The following RNF144A variants were observed in gnomAD, a reference collection of about 807,000 sequenced individuals.
RNF144A encodes the protein ring finger protein 144A.
RNF144A carries 11 observed loss-of-function variants against 38.7 expected under a neutral mutation model. That is an observed-to-expected ratio of 0.28 (90% CI 0.18 to 0.47). RNF144A has a LOEUF of 0.47. Ranked by LOEUF, RNF144A falls within the 20% of genes least tolerant of loss-of-function variation. RNF144A has a pLI of 0.99. For synonymous variants in RNF144A, 149 were observed against 143.9 expected (o/e 1.04, Z -0.25); for missense variants, 316 against 377.2 (o/e 0.84, Z 1.34).
intron 1 of RNF144A, among the ~76,000 whole-genome samples, chr2:6,921,061 T>G (rs542729143): frequency 1.8e-3 from 279 of 152,372 alleles, no homozygotes; most frequent in Middle Eastern, 0.014. Context: ...GTACAACCAT[T>G]CGTAAGGGTT....
At chr2:6,924,943 G>T (rs939572162) in intron 1 of RNF144A, among the ~76,000 whole-genome samples, 5 of 152,358 alleles carry the variant, frequency 3.3e-5, no homozygotes, top group South Asian at 2.1e-4. Flanking sequence ...TGGGAAGGGT[G>T]TGGGCTTCCA....
In RNF144A at chr2:7,030,205, A is replaced by G; in HGVS notation, c.737A>G (p.His246Arg). The change falls in exon 8 of 9, where the codon CAT becomes CGT. Residue 246 changes from histidine to arginine, a missense_variant. Transcript: ENST00000320892. ...CACTCCCGGGCATCTGTGATCTGGC[A>G]TCGGACACAGGTAGGAGGTGATTTG... ...LGHSRASVIW[H>R]RTQVVGIFAG... 1 of 1,611,718 alleles carries G rather than the reference A, an allele frequency of 6.2e-7. No individual in the cohort carries two copies. The highest frequency in any genetic ancestry group is 8.5e-7 in the Non-Finnish European group (1 of 1,178,462).
In RNF144A at chr2:6,944,759, C is replaced by G. The variant is rs1666226945; in HGVS notation, c.-12+3612C>G. Among the ~76,000 whole-genome samples, 1 of 152,158 alleles carries G rather than the reference C, an allele frequency of 6.6e-6. No homozygotes were observed. The highest frequency in any genetic ancestry group is 2.4e-5 in the African/African-American group (1 of 41,438). On this transcript the variant is annotated intron_variant, in intron 2 of 8. Coordinates refer to ENST00000320892, the MANE Select transcript of RNF144A (RefSeq NM_014746.6). This position sits in a 1 kb window ranked among gnomAD's most constrained non-coding sequence, Gnocchi z 4.7. ...TGTTCTCTCTGTTGGCCACGCCCACCTCCCAGGACGCTGTGTTTGGGAATC... is the reference window on the plus strand; with the variant it reads ...TGTTCTCTCTGTTGGCCACGCCCACGTCCCAGGACGCTGTGTTTGGGAATC...
At chr2:7,054,725 G>A (rs1301208053) in intron 6 of RNF144A, among the ~76,000 whole-genome samples, 1 of 152,184 alleles carries the variant, frequency 6.6e-6, no homozygotes, top group Non-Finnish European at 1.5e-5. Flanking sequence ...CTTGGAGGCA[G>A]AGAGCTGTCC....
intron 5 of RNF144A, among the ~76,000 whole-genome samples, chr2:7,017,169 C>A (rs1373763652): frequency 6.6e-6 from 1 of 152,178 alleles, no homozygotes; most frequent in Non-Finnish European, 1.5e-5. Flanking sequence ...GTGCTAAGGG[C>A]GTTGCTGTGC....
chr2:6,969,591 A>G (rs548070276), intron 2 of RNF144A, among the ~76,000 whole-genome samples: 114 of 152,366 alleles, frequency 7.5e-4, no homozygotes, highest in African/African-American at 2.7e-3. Flanking sequence ...TAATAAAAGT[A>G]CAGGCTGAGC....
At chr2:6,968,619 A>G (rs963610532) in intron 2 of RNF144A, among the ~76,000 whole-genome samples, 2 of 152,246 alleles carry the variant, frequency 1.3e-5, no homozygotes, top group Non-Finnish European at 2.9e-5. Flanking sequence ...TCATCACAAG[A>G]AACAAACACA....
At chr2:7,022,016 A>C (rs1423181167) in intron 6 of RNF144A, among the ~76,000 whole-genome samples, 4 of 152,232 alleles carry the variant, frequency 2.6e-5, no homozygotes, top group South Asian at 4.1e-4. Context: ...TAAAAACTGG[A>C]ATTTCTGGCT....
In RNF144A at chr2:7,064,801, A is replaced by G. The variant is rs184163965; in HGVS notation, c.735-3415A>G. ...ATGAATAAACAGATCTCAGCTTTCT[A>G]TAAATTGTAATTGAGGATGAAAGGA... On this transcript the variant is annotated intron_variant, in intron 6 of 6. Transcript: ENST00000432850. Among the ~76,000 whole-genome samples the G allele has an allele frequency of 1.9e-3, 289 of 152,326 alleles. 1 individual carries two copies. Among genetic ancestry groups the G allele is most frequent in the African/African-American group, 6.6e-3 (274 of 41,580 alleles).
intron 6 of RNF144A, among the ~76,000 whole-genome samples, chr2:7,050,149 T>A (rs1200636287): frequency 6.6e-6 from 1 of 152,172 alleles, no homozygotes; most frequent in African/African-American, 2.4e-5. Context: ...ATGGTTTGGC[T>A]GTGTCCCCAC....
chr2:7,015,960 A>G (rs1671108909), intron 5 of RNF144A, among the ~76,000 whole-genome samples: 1 of 152,110 alleles, frequency 6.6e-6, no homozygotes, highest in Non-Finnish European at 1.5e-5. Context: ...CTCCCAGTTT[A>G]GCTGCATGCA....
At chr2:7,005,701 A>G (rs1311014239) in intron 3 of RNF144A, among the ~76,000 whole-genome samples, 1 of 152,188 alleles carries the variant, frequency 6.6e-6, no homozygotes, top group Non-Finnish European at 1.5e-5. Flanking sequence ...GGCTACAACC[A>G]GAGTTGTCTT....
intron 2 of RNF144A, among the ~76,000 whole-genome samples, chr2:6,948,288 C>A (rs1195596394): frequency 1.3e-5 from 2 of 152,302 alleles, no homozygotes; most frequent in East Asian, 3.9e-4. Context: ...AAGAGACAGC[C>A]TTAGAGGAGG....
chr2:6,955,942 A>G (rs1666971558), intron 2 of RNF144A, among the ~76,000 whole-genome samples: 1 of 152,214 alleles, frequency 6.6e-6, no homozygotes, highest in Non-Finnish European at 1.5e-5. Flanking sequence ...ACACACTGGA[A>G]CAAGAAGTGT....
chr2:7,034,510 A>G (rs925871660), intron 8 of RNF144A, among the ~76,000 whole-genome samples: 1 of 152,112 alleles, frequency 6.6e-6, no homozygotes, highest in African/African-American at 2.4e-5. Flanking sequence ...GGCTTCCGGC[A>G]TCTCCCCTGC....
intron 3 of RNF144A, among the ~76,000 whole-genome samples, chr2:7,005,469 G>A (rs1318976989): frequency 1.3e-5 from 2 of 152,252 alleles, no homozygotes; most frequent in East Asian, 3.9e-4. Context: ...TGACTTGGAG[G>A]GTGGGATGAC....
At chr2:7,045,902 G>GCC (rs112140827), downstream of RNF144A, among the ~76,000 whole-genome samples, 2 of 152,044 alleles carry the variant, frequency 1.3e-5, no homozygotes, top group South Asian at 2.1e-4. Context: ...TGTAGGAATT[G>GCC]CCCCCCAGAA....
At chr2:6,966,206 A>G (rs542857968) in intron 2 of RNF144A, among the ~76,000 whole-genome samples, 6 of 152,386 alleles carry the variant, frequency 3.9e-5, no homozygotes, top group East Asian at 3.9e-4. Flanking sequence ...TTCACCTTCT[A>G]GCTAGGACGC....
intron 2 of RNF144A, among the ~76,000 whole-genome samples, chr2:6,991,830 A>G (rs1669403960): frequency 6.6e-6 from 1 of 152,128 alleles, no homozygotes; most frequent in Non-Finnish European, 1.5e-5. Flanking sequence ...ATACATATAT[A>G]TATGTATATA....
Sources: allele counts gnomAD v4.1 joint callset (sites outside exome capture counted in the v4.1 genomes callset), GRCh38; gene constraint gnomAD v4.1.1; non-coding constraint Gnocchi (gnomAD v3.1); transcripts MANE v1.5; gene names NCBI Gene and HGNC (gene_info 2026-07-23, HGNC 2026-07-21).